GRID1: variants seen among roughly 807,000 people sequenced by gnomAD.
GRID1 encodes glutamate ionotropic receptor delta type subunit 1.
A neutral mutation model predicts 98.0 loss-of-function variants in GRID1; 28 were observed. The observed-to-expected ratio is 0.29, with a 90% CI of 0.21 to 0.39. GRID1 has a LOEUF of 0.39. Ranked by LOEUF, GRID1 falls within the 10% of genes least tolerant of loss-of-function variation. The pLI, the probability that GRID1 is intolerant of heterozygous loss-of-function variation, is 1.00. For synonymous variants in GRID1, 553 were observed against 538.5 expected (o/e 1.03, Z -0.37); for missense variants, 1,111 against 1,340.5 (o/e 0.83, Z 2.67).
chr10:86,087,874 C>G (rs1352239778), intron 4 of GRID1, among the ~76,000 whole-genome samples: 3 of 152,164 alleles, frequency 2.0e-5, no homozygotes, highest in African/African-American at 7.2e-5. Context: ...GGTGCAGCCA[C>G]CAGCTCTGGG....
chr10:86,112,310 C>T (rs1010279503), intron 4 of GRID1, among the ~76,000 whole-genome samples: 1 of 152,164 alleles, frequency 6.6e-6, no homozygotes, highest in East Asian at 1.9e-4. Context: ...TCTCATTGGC[C>T]AGTCACAGGG....
At chr10:85,817,277 C>G (rs896458798) in intron 8 of GRID1, among the ~76,000 whole-genome samples, 4 of 152,142 alleles carry the variant, frequency 2.6e-5, no homozygotes, top group African/African-American at 9.7e-5. Flanking sequence ...CCTGTAATCC[C>G]AGCACTTTGG....
intron 12 of GRID1, among the ~76,000 whole-genome samples, chr10:85,679,809 C>A (rs1323773868): frequency 1.3e-5 from 2 of 152,196 alleles, no homozygotes; most frequent in Non-Finnish European, 2.9e-5. Context: ...CCATGACAAA[C>A]CATCTGTAAC....
intron 4 of GRID1, among the ~76,000 whole-genome samples, chr10:85,942,639 G>A (rs772600358): frequency 7.9e-5 from 12 of 152,196 alleles, no homozygotes; most frequent in Non-Finnish European, 1.8e-4. Flanking sequence ...GATGCCAGGG[G>A]TCCTTTATCT....
In GRID1 at chr10:86,312,007, T is replaced by C. The variant is rs534741356; in HGVS notation, c.235+51934A>G. Among the ~76,000 whole-genome samples the C allele has an allele frequency of 2.6e-5, 4 of 152,360 alleles. No individual in the cohort carries two copies. The South Asian group carries it at 6.2e-4, about 24-fold the overall frequency. On this transcript the variant is annotated intron_variant, in intron 2 of 15. Transcript: ENST00000327946. Reference sequence around the variant, plus strand: ...CAGAACTGGGGAGCCCACTTCTGCATTGGGGGCTGGCCTTTGTTTCCCAGC... The same window carrying C: ...CAGAACTGGGGAGCCCACTTCTGCACTGGGGGCTGGCCTTTGTTTCCCAGC...
intron 12 of GRID1, among the ~76,000 whole-genome samples, chr10:85,682,303 G>A (rs1841219306): frequency 6.6e-6 from 1 of 152,204 alleles, no homozygotes; most frequent in Non-Finnish European, 1.5e-5. Flanking sequence ...AGAGAGTTGG[G>A]AAGATGATAT....
intron 8 of GRID1, among the ~76,000 whole-genome samples, chr10:85,844,561 T>A (rs77970604): frequency 0.018 from 2,708 of 152,202 alleles, 36 homozygotes; most frequent in Non-Finnish European, 0.029. Context: ...TATCGCAAGA[T>A]GTTATCATTG....
At chr10:86,182,641 A>G (rs2132002415) in intron 3 of GRID1, among the ~76,000 whole-genome samples, 1 of 152,324 alleles carries the variant, frequency 6.6e-6, no homozygotes, top group African/African-American at 2.4e-5. Context: ...CAGCTTCTAG[A>G]TTGCAATGCA....
chr10:86,312,101 C>A (rs1277334865), intron 2 of GRID1, among the ~76,000 whole-genome samples: 2 of 152,214 alleles, frequency 1.3e-5, no homozygotes, highest in Non-Finnish European at 2.9e-5. Flanking sequence ...TGACAGGGCA[C>A]TTCTGTAAAG....
At chr10:86,181,883 G>A (rs779886767) in intron 3 of GRID1, among the ~76,000 whole-genome samples, 3 of 152,126 alleles carry the variant, frequency 2.0e-5, no homozygotes, top group African/African-American at 2.4e-5. Context: ...GGGCAGGAAC[G>A]TTGACCCCCT....
chr10:85,931,057 C>G (rs1169204380), intron 4 of GRID1, among the ~76,000 whole-genome samples: 1 of 152,142 alleles, frequency 6.6e-6, no homozygotes, highest in East Asian at 1.9e-4. Flanking sequence ...CCAGGCTGGT[C>G]TCAAACTCAT....
chr10:85,884,399 T>C (rs1456395728), intron 5 of GRID1, among the ~76,000 whole-genome samples: 1 of 152,174 alleles, frequency 6.6e-6, no homozygotes, highest in Non-Finnish European at 1.5e-5. Flanking sequence ...TGCTATAATT[T>C]ATATTTGTTT....
At chr10:85,806,947 A>AT (rs1275923438) in intron 8 of GRID1, among the ~76,000 whole-genome samples, 2 of 152,156 alleles carry the variant, frequency 1.3e-5, no homozygotes, top group South Asian at 4.1e-4. Flanking sequence ...ATCTCAACAG[A>AT]TTTTTTTAAA....
At chr10:86,244,522 A>C (rs1179551517) in intron 2 of GRID1, among the ~76,000 whole-genome samples, 1 of 152,246 alleles carries the variant, frequency 6.6e-6, no homozygotes, top group Admixed American at 6.5e-5. Flanking sequence ...CTGCTCAGAC[A>C]CCGCACCATT....
chr10:86,081,170 G>A (rs374740379), intron 4 of GRID1, among the ~76,000 whole-genome samples: 1 of 152,088 alleles, frequency 6.6e-6, no homozygotes, highest in Non-Finnish European at 1.5e-5. Flanking sequence ...TCATTCTGTC[G>A]CCCAGGCTGG....
chr10:85,872,378 A>T (rs1843286908), intron 5 of GRID1, among the ~76,000 whole-genome samples: 1 of 152,066 alleles, frequency 6.6e-6, no homozygotes, highest in Non-Finnish European at 1.5e-5. Flanking sequence ...TATTCTCTTG[A>T]TGGCTGAGGG....
intron 6 of GRID1, among the ~76,000 whole-genome samples, chr10:85,862,944 G>A (rs1843178679): frequency 6.6e-6 from 1 of 152,170 alleles, no homozygotes; most frequent in African/African-American, 2.4e-5. Flanking sequence ...GGGCAGGGAA[G>A]CAGTGCTCAG....
At chr10:85,612,820 G>A (rs1037549134) in intron 15 of GRID1, among the ~76,000 whole-genome samples, 2 of 152,040 alleles carry the variant, frequency 1.3e-5, no homozygotes, top group Non-Finnish European at 2.9e-5. Flanking sequence ...TTTGCAGTTG[G>A]CACACATGGG....
At chr10:86,090,698 G>A (rs979931271) in intron 4 of GRID1, among the ~76,000 whole-genome samples, 23 of 152,180 alleles carry the variant, frequency 1.5e-4, no homozygotes, top group Non-Finnish European at 7.3e-5. Context: ...CTTGCATTGT[G>A]AATTTTAGCT....
Sources: allele counts gnomAD v4.1 joint callset (sites outside exome capture counted in the v4.1 genomes callset), GRCh38; gene constraint gnomAD v4.1.1; transcripts MANE v1.5; gene names NCBI Gene and HGNC (gene_info 2026-07-23, HGNC 2026-07-21).